C16orf90: variants seen among roughly 807,000 people sequenced by gnomAD.
C16orf90 encodes the protein uncharacterized protein C16orf90.
Under a neutral mutation model 17.1 loss-of-function variants are expected in C16orf90, and 17 were observed. That is an observed-to-expected ratio of 1.00 (90% confidence interval 0.68 to 1.49). The LOEUF (loss-of-function observed/expected upper bound fraction) is 1.49. C16orf90 is among the 40% of genes most tolerant of loss of function. C16orf90 has a pLI of 0.00. For synonymous variants in C16orf90, 108 were observed against 95.8 expected, an observed-to-expected ratio of 1.13 and a Z score of -0.75; for missense variants, 255 against 235.5, an observed-to-expected ratio of 1.08 and a Z score of -0.54.
rs745778061 is a variant in C16orf90, at chr16:3,494,849, G to C, written c.75C>G (p.Pro25=). 7 of 1,530,098 alleles carry C rather than the reference G, an allele frequency of 4.6e-6. No individual in the cohort carries two copies. Among genetic ancestry groups the C allele is most frequent in the Non-Finnish European group, 6.1e-6 (7 of 1,144,246 alleles). 94.8% of individuals were successfully genotyped at this position (1,530,098 alleles called of 1,614,324 possible). The change falls in exon 2 of 3, where the codon CCC becomes CCG. Residue 25 remains proline (P), a synonymous_variant. Coordinates refer to ENST00000437192, the MANE Select transcript of C16orf90 (RefSeq NM_001080524.2). ...EDAVSQAQGR[P]GHPDAPPNIY... ...TGTTGGGGGGTGCGTCAGGGTGGCC[G>C]GGGCGTCCTTGGGCCTGGCTCACTG...
upstream of C16orf90, chr16:3,495,555 C>T: frequency 6.7e-7 from 1 of 1,487,938 alleles, no homozygotes. Context: ...AGACTCCCAG[C>T]CTTCCTGGAC....
upstream of C16orf90, chr16:3,496,195 G>A (rs2037306899): frequency 1.8e-6 from 1 of 542,628 alleles, no homozygotes; most frequent in Non-Finnish European, 3.5e-6. Flanking sequence ...AGCAGGAAGC[G>A]CCATCATGGG....
chr16:3,495,327 G>C (rs1409735422), intron 1 of C16orf90, 49 bp downstream of exon 1: 2 of 1,571,168 alleles, frequency 1.3e-6, no homozygotes, highest in African/African-American at 2.7e-5. Context: ...GCCCAGGTGG[G>C]GACAGAAGCC....
Position 3,493,498 on chromosome 16 carries a change from T to G in C16orf90, c.*341A>C. On this transcript the variant is annotated 3_prime_UTR_variant, in exon 3 of 3. Coordinates refer to ENST00000437192, the MANE Select transcript of C16orf90 (RefSeq NM_001080524.2). ...GGACAAGAACGTGCAGGCCTTGGCT[T>G]TTATTGAGATCAGAGCTGTGGGCTC... The G allele has an allele frequency of 5.2e-6, 1 of 190,998 alleles. No homozygotes were observed. Among genetic ancestry groups the G allele is most frequent in the Non-Finnish European group, 1.1e-5 (1 of 90,356 alleles). 11.8% of individuals were successfully genotyped at this position (190,998 alleles called of 1,614,324 possible). A position where few individuals can be genotyped will look rare whatever the true frequency, so the allele number is the denominator to read the frequency against.
At chr16:3,496,356 T>G (rs1422515728), upstream of C16orf90, 2 of 1,208,954 alleles carry the variant, frequency 1.7e-6, no homozygotes, top group African/African-American at 1.5e-5. Context: ...CTGAAGAGGT[T>G]GTTTATGAGT....
Position 3,495,454 on chromosome 16 carries a change from G to A in C16orf90, c.-33C>T. On this transcript the variant is annotated 5_prime_UTR_variant, in exon 1 of 3. Coordinates refer to ENST00000437192, the MANE Select transcript of C16orf90 (RefSeq NM_001080524.2). ...CAGTGTGGTGGGGAGGAGCAACCAG[G>A]ACTTGGGTGCAGCAGGGCCCTGCTC... 2 of 1,604,686 alleles carry A rather than the reference G, an allele frequency of 1.2e-6. No individual in the cohort carries two copies. The highest frequency in any genetic ancestry group is 1.7e-6 in the Non-Finnish European group (2 of 1,175,288).
upstream of C16orf90, among the ~76,000 whole-genome samples, chr16:3,495,961 A>G (rs958853853): frequency 1.3e-5 from 2 of 152,122 alleles, no homozygotes; most frequent in Non-Finnish European, 2.9e-5. Context: ...TAACACGGTG[A>G]AACCCCGTCT....
chr16:3,493,814 T>C lies in C16orf90; in HGVS notation c.*25A>G. 5 of 1,580,134 alleles carry C rather than the reference T, an allele frequency of 3.2e-6. No homozygotes were observed. Among genetic ancestry groups the C allele is most frequent in the Non-Finnish European group, 4.3e-6 (5 of 1,163,558 alleles). The stretch of plus-strand genomic sequence containing the variant: ...CTCCTCGGCCATCCTGCCCCTCCTG[T>C]ACCCAGTCCTGGCACTCGGGATCCC... On this transcript the variant is annotated 3_prime_UTR_variant, in exon 3 of 3. Coordinates refer to ENST00000437192, the MANE Select transcript of C16orf90 (RefSeq NM_001080524.2).
chr16:3,495,773 G>T (rs2037300358), upstream of C16orf90, among the ~76,000 whole-genome samples: 1 of 152,148 alleles, frequency 6.6e-6, no homozygotes, highest in Admixed American at 6.5e-5. Flanking sequence ...GAGGGTTCAG[G>T]AGTACAGACC....
At position 3,494,553 on chromosome 16, in the gene C16orf90, C is replaced by G; in HGVS notation, c.371G>C (p.Arg124Pro). The change falls in exon 2 of 3, where the codon CGA (arginine) becomes CCA (proline). Residue 124 changes from arginine (R) to proline (P), a missense_variant. Arg to Pro is a moderately radical substitution (Grantham distance 103). Coordinates refer to ENST00000437192, the MANE Select transcript of C16orf90 (RefSeq NM_001080524.2). ...NSLCSALLEA[R>P]LPRDSLGSSA... ...GCTTCCCAGGCTGTCCCTGGGCAAT[C>G]GGGCTTCCAGAAGGGCTGAACAGAG... is the stretch of plus-strand genomic sequence containing the variant. The G allele has an allele frequency of 1.2e-6, 2 of 1,612,870 alleles. No homozygotes were observed. Among genetic ancestry groups the G allele is most frequent in the Non-Finnish European group, 8.5e-7 (1 of 1,179,862 alleles).
At chr16:3,496,551 TG>T, upstream of C16orf90, 3 of 549,042 alleles carry the variant, frequency 5.5e-6, no homozygotes, top group Non-Finnish European at 7.2e-6. Context: ...ATCCTCAGGG[TG>T]GGGGCCAAGA....
In C16orf90 at chr16:3,494,623, A is replaced by T. The variant is rs1159225025; in HGVS notation, c.301T>A (p.Trp101Arg). Residue 101 changes from tryptophan to arginine, a missense_variant, in exon 2 of 3, where the codon TGG (tryptophan) becomes AGG (arginine). Physicochemically the swap from Trp to Arg is moderately radical, Grantham distance 101 (BLOSUM62 -3). Transcript: ENST00000437192. ...GCLPQPEGTA[W>R]ALDLPQGTLG... Reference sequence around the variant, plus strand: ...GTCCCCTGTGGCAGGTCCAGGGCCCAGGCTGTGCCCTCAGGCTGTGGCAGG... The same window carrying T: ...GTCCCCTGTGGCAGGTCCAGGGCCCTGGCTGTGCCCTCAGGCTGTGGCAGG... 2 of 1,612,298 alleles carry T rather than the reference A, an allele frequency of 1.2e-6. No individual in the cohort carries two copies. Among genetic ancestry groups the T allele is most frequent in the South Asian group, 2.2e-5 (2 of 91,044 alleles).
At chr16:3,495,933 G>T (rs1235619580), upstream of C16orf90, among the ~76,000 whole-genome samples, 1 of 152,156 alleles carries the variant, frequency 6.6e-6, no homozygotes, top group Non-Finnish European at 1.5e-5. Flanking sequence ...GAGGTCAGGA[G>T]ATCGAGACCA....
chr16:3,495,273 C>G (rs1462942453), intron 1 of C16orf90, 103 bp downstream of exon 1: 3 of 1,372,864 alleles, frequency 2.2e-6, no homozygotes, highest in Non-Finnish European at 3.0e-6. Flanking sequence ...GGCCATTCCC[C>G]TCTCCCAAGC....
Position 3,493,946 on chromosome 16 carries a change from G to C in C16orf90, c.442C>G (p.Gln148Glu), listed in dbSNP as rs1374610011. Residue 148 changes from glutamine to glutamate, a missense_variant, in exon 3 of 3, where the codon CAG becomes GAG. Gln to Glu is a conservative substitution (Grantham distance 29). Transcript: ENST00000437192. ...GGCCTGAGCCTAGAAGGACTAGGCT[G>C]GGGGAGGGCACCCTTGTCTGGGTCC... Reference protein sequence around the residue: ...SMDPDKGALPQPSPSRLRPKR... With the variant: ...SMDPDKGALPEPSPSRLRPKR... The C allele has an allele frequency of 1.2e-6, 2 of 1,610,712 alleles. No individual in the cohort carries two copies. The highest frequency in any genetic ancestry group is 1.7e-4 in the Middle Eastern group (1 of 6,050).
At chr16:3,494,439 A>T in intron 2 of C16orf90, 85 bp downstream of exon 2, 1 of 1,095,348 alleles carries the variant, frequency 9.1e-7, no homozygotes, top group African/African-American at 1.6e-5. Context: ...GAGGCTTGGG[A>T]GTGGAGAAGG....
upstream of C16orf90, chr16:3,495,547 A>G (rs1006567171): frequency 1.3e-6 from 2 of 1,503,220 alleles, no homozygotes; most frequent in Non-Finnish European, 1.8e-6. Flanking sequence ...CACGGGGAAG[A>G]CTCCCAGCCT....
At position 3,493,804 on chromosome 16, in the gene C16orf90, G is replaced by C. The variant is rs371165617; in HGVS notation, c.*35C>G. On this transcript the variant is annotated 3_prime_UTR_variant, in exon 3 of 3. Transcript: ENST00000437192. The stretch of plus-strand genomic sequence containing the variant: ...CTCAGGCTGCCTCCTCGGCCATCCT[G>C]CCCCTCCTGTACCCAGTCCTGGCAC... 134 of 1,560,116 alleles carry C rather than the reference G, an allele frequency of 8.6e-5. No individual in the cohort carries two copies. Among genetic ancestry groups the C allele is most frequent in the Non-Finnish European group, 1.1e-4 (128 of 1,150,914 alleles).
chr16:3,494,816 C>A lies in C16orf90; in HGVS notation c.108G>T (p.Glu36Asp). 2 of 1,566,860 alleles carry A rather than the reference C, an allele frequency of 1.3e-6. No homozygotes were observed. Among genetic ancestry groups the A allele is most frequent in the Non-Finnish European group, 1.7e-6 (2 of 1,159,812 alleles). Residue 36 changes from glutamate (E) to aspartate (D), a missense_variant, in exon 2 of 3, where the codon GAG becomes GAT. Coordinates refer to ENST00000437192, the MANE Select transcript of C16orf90 (RefSeq NM_001080524.2). ...GHPDAPPNIY[E>D]GGLGSPQPQC... ...GCGGCTGCGGGGACCCCAGGCCCCC[C>A]TCGTAGATGTTGGGGGGTGCGTCAG... is the stretch of plus-strand genomic sequence containing the variant.
Sources: allele counts gnomAD v4.1 joint callset (sites outside exome capture counted in the v4.1 genomes callset), GRCh38; gene constraint gnomAD v4.1.1; transcripts MANE v1.5; gene names NCBI Gene and HGNC (gene_info 2026-07-23, HGNC 2026-07-21).